Variants in RPS20 observed in about 807,000 individuals in gnomAD.
The protein encoded by RPS20 is small ribosomal subunit protein uS10.
RPS20 carries 3 observed loss-of-function variants against 15.3 expected under a neutral mutation model. That is an observed-to-expected ratio of 0.20 (90% CI 0.09 to 0.51). The LOEUF (loss-of-function observed/expected upper bound fraction) is 0.51, where lower values mean the gene tolerates loss of function less well. RPS20 is among the 20% of genes least tolerant of loss of function. RPS20 has a pLI of 0.96. For synonymous variants in RPS20, 62 were observed against 47.8 expected (o/e 1.30, Z -1.23); for missense variants, 67 against 145.9 (o/e 0.46, Z 2.79).
intron 1 of RPS20, 85 bp from the exon 2 acceptor site, chr8:56,074,244 G>C (rs769366056): frequency 1.3e-6 from 2 of 1,523,274 alleles, no homozygotes; most frequent in Admixed American, 3.4e-5. Context: ...AGCTTCCCGC[G>C]TTTCCCCACC....
At chr8:56,074,004 A>C in intron 2 of RPS20, 56 bp downstream of exon 2, 1 of 1,367,008 alleles carries the variant, frequency 7.3e-7, no homozygotes, top group South Asian at 1.2e-5. Flanking sequence ...TTAACGAGTA[A>C]AGCTCGTCGC....
Position 56,074,195 on chromosome 8 carries a change from A to G in RPS20, c.4-36T>C, listed in dbSNP as rs760995015. 25 of 1,578,244 alleles carry G rather than the reference A, an allele frequency of 1.6e-5. No homozygotes were observed. In the South Asian group the frequency reaches 2.7e-4, roughly 17 times the overall value. On this transcript the variant is annotated intron_variant, in intron 1 of 3. Coordinates refer to ENST00000009589, the MANE Select transcript of RPS20 (RefSeq NM_001023.4). ...ATACATGAAAAAGAACAATAAGCCAAAAATGGTCTGCCACTTCTGGAGAAA... is the reference window on the plus strand; with the variant it reads ...ATACATGAAAAAGAACAATAAGCCAGAAATGGTCTGCCACTTCTGGAGAAA...
downstream of RPS20, chr8:56,068,304 G>A (rs1809661656): frequency 6.6e-6 from 1 of 152,108 alleles, no homozygotes; most frequent in Non-Finnish European, 1.5e-5. Flanking sequence ...AAGATTTGCT[G>A]AGGTGTGTGT....
At chr8:56,072,457 CAGG>C (rs538302032), downstream of RPS20, among the ~76,000 whole-genome samples, 61 of 149,994 alleles carry the variant, frequency 4.1e-4, no homozygotes, top group African/African-American at 1.4e-3. Context: ...GAGGCTGAGG[CAGG>C]AGAATTGCTT....
chr8:56,069,618 A>G (rs967039887), downstream of RPS20: 20 of 982,462 alleles, frequency 2.0e-5, no homozygotes, highest in Non-Finnish European at 2.8e-5. Context: ...CTTACTTTCA[A>G]AAGATAAAAT....
At chr8:56,073,448 T>A in intron 3 of RPS20, 176 bp from the exon 4 acceptor site, 6 of 640,340 alleles carry the variant, frequency 9.4e-6, no homozygotes, top group Non-Finnish European at 1.1e-5. Context: ...TTCACTGTGC[T>A]AGGACACCAC....
intron 1 of RPS20, 44 bp downstream of exon 1, chr8:56,074,337 C>A: frequency 6.5e-7 from 1 of 1,548,146 alleles, no homozygotes; most frequent in Non-Finnish European, 8.7e-7. Context: ...CCCCCCGGCG[C>A]CCGAGCCCTG....
chr8:56,074,217 G>C lies in RPS20; in HGVS notation c.4-58C>G, dbSNP rs576276245. 8 of 1,545,446 alleles carry C rather than the reference G, an allele frequency of 5.2e-6. No individual in the cohort carries two copies. In the South Asian group the frequency reaches 5.6e-5, roughly 11 times the overall value. ...CCAAAAATGGTCTGCCACTTCTGGA[G>C]AAAGGCAGCTTCCGGAAGCTTCCCG... On this transcript the variant is annotated intron_variant, in intron 1 of 3. Transcript: ENST00000009589.
At chr8:56,074,337 C>G in intron 1 of RPS20, 44 bp downstream of exon 1, 1 of 1,548,146 alleles carries the variant, frequency 6.5e-7, no homozygotes, top group Non-Finnish European at 8.7e-7. Context: ...CCCCCCGGCG[C>G]CCGAGCCCTG....
At chr8:56,073,038 T>C, downstream of RPS20, 1 of 1,574,960 alleles carries the variant, frequency 6.3e-7, no homozygotes, top group Non-Finnish European at 8.6e-7. Context: ...GTATTCTGAA[T>C]AAAAACCAAC....
chr8:56,074,412 C>T lies in RPS20; in HGVS notation c.-29G>A. The T allele has an allele frequency of 6.4e-7, 1 of 1,554,848 alleles. No individual in the cohort carries two copies. The highest frequency in any genetic ancestry group is 8.6e-7 in the Non-Finnish European group (1 of 1,156,112). Reference sequence around the variant, plus strand: ...TGTTGCGCGCGGGCTTCCTGACCGACTTGTTCCTCGGCGAGAGCGAACAGC... The same window carrying T: ...TGTTGCGCGCGGGCTTCCTGACCGATTTGTTCCTCGGCGAGAGCGAACAGC... On this transcript the variant is annotated 5_prime_UTR_variant, in exon 1 of 4. Coordinates refer to ENST00000009589, the MANE Select transcript of RPS20 (RefSeq NM_001023.4).
At chr8:56,072,974 C>G, downstream of RPS20, 1 of 1,456,750 alleles carries the variant, frequency 6.9e-7, no homozygotes, top group Non-Finnish European at 9.0e-7. Flanking sequence ...CCCATATATT[C>G]CACCTGAAAA....
chr8:56,069,751 G>A (rs1826884372), downstream of RPS20: 2 of 1,551,492 alleles, frequency 1.3e-6, no homozygotes, highest in Non-Finnish European at 1.7e-6. Context: ...AAAAGGACAT[G>A]TCCCCGGGGA....
intron 2 of RPS20, 78 bp from the exon 3 acceptor site, chr8:56,073,846 A>C: frequency 7.5e-7 from 1 of 1,337,286 alleles, no homozygotes; most frequent in Admixed American, 1.7e-5. Flanking sequence ...GCTGGCTCAG[A>C]ATAGCGTATA....
downstream of RPS20, among the ~76,000 whole-genome samples, chr8:56,069,456 A>G (rs2976050): frequency 0.27 from 41,131 of 151,780 alleles, 5,994 homozygotes; most frequent in Middle Eastern, 0.36. Context: ...GTGCCACCAC[A>G]CCTGGCTAAT....
rs17814456 is a variant in RPS20 at position 56,073,858 on chromosome 8, A to G, written c.104-90T>C. 0.19 allele frequency: 240,593 copies of G among 1,271,834 alleles called. 25,884 individuals are homozygous for G. The highest frequency in any genetic ancestry group is 0.26 in the Middle Eastern group (1,410 of 5,420). 78.8% of individuals were successfully genotyped at this position (1,271,834 alleles called of 1,614,324 possible). ...TCTGCTGGCTCAGAATAGCGTATAA[A>G]ATTATCACCGTTACTCAACACAATA... On this transcript the variant is annotated intron_variant, in intron 2 of 3. Coordinates refer to ENST00000009589, the MANE Select transcript of RPS20 (RefSeq NM_001023.4).
chr8:56,071,493 C>T (rs1809753469), downstream of RPS20, among the ~76,000 whole-genome samples: 1 of 152,238 alleles, frequency 6.6e-6, no homozygotes, highest in Non-Finnish European at 1.5e-5. Context: ...TTGATGTTAA[C>T]TGGGTTTGTC....
At chr8:56,070,118 G>C (rs1398011510), downstream of RPS20, among the ~76,000 whole-genome samples, 1 of 151,976 alleles carries the variant, frequency 6.6e-6, no homozygotes, top group African/African-American at 2.4e-5. Flanking sequence ...GTAATTCAAT[G>C]CAGTATCGTG....
At chr8:56,070,150 T>G (rs938776554), downstream of RPS20, among the ~76,000 whole-genome samples, 3 of 109,734 alleles carry the variant, frequency 2.7e-5, no homozygotes, top group Non-Finnish European at 7.3e-5. Flanking sequence ...GCACATCCTG[T>G]ATCAGTGAGA....
Sources: gnomAD v4.1 joint callset for allele counts (sites outside exome capture counted in the v4.1 genomes callset) on GRCh38, gnomAD v4.1.1 for gene constraint, MANE v1.5 for transcripts, NCBI Gene and HGNC (gene_info 2026-07-23, HGNC 2026-07-21) for gene names.